Variants in KCNC2 observed in about 807,000 individuals in gnomAD.
KCNC2 encodes voltage-gated potassium channel KCNC2.
Under a neutral mutation model 44.5 loss-of-function variants are expected in KCNC2, and 21 were observed. That is an observed-to-expected ratio of 0.47 (90% CI 0.33 to 0.68). The LOEUF is 0.68. Among genes scored for constraint, KCNC2 ranks in the 30% least tolerant of loss-of-function variants. The pLI is 0.01. For synonymous variants in KCNC2, 391 were observed against 339.1 expected (o/e 1.15, Z -1.68); for missense variants, 589 against 826.2 (o/e 0.71, Z 3.52).
chr12:75,143,786 G>C (rs1391435931), intron 2 of KCNC2, among the ~76,000 whole-genome samples: 1 of 152,034 alleles, frequency 6.6e-6, no homozygotes, highest in East Asian at 1.9e-4. Flanking sequence ...GCTTCTACCT[G>C]CAAAAATAAT....
At chr12:75,093,029 A>G (rs756499801) in intron 2 of KCNC2, among the ~76,000 whole-genome samples, 103 of 145,832 alleles carry the variant, frequency 7.1e-4, no homozygotes, top group Non-Finnish European at 1.2e-3. Context: ...TTTTTTTTTT[A>G]ATCGTTCGAG....
At chr12:75,060,005 C>T (rs765654888) in intron 2 of KCNC2, among the ~76,000 whole-genome samples, 10 of 152,000 alleles carry the variant, frequency 6.6e-5, no homozygotes, top group South Asian at 6.2e-4. Flanking sequence ...ATAGTAATTC[C>T]GAAATACACA....
chr12:75,053,620 C>T (rs373404689), intron 2 of KCNC2, among the ~76,000 whole-genome samples: 3 of 151,692 alleles, frequency 2.0e-5, no homozygotes, highest in South Asian at 4.2e-4. Context: ...TTCTACTTTG[C>T]TATTTTTATA....
At chr12:75,105,469 G>A (rs1886709416) in intron 2 of KCNC2, among the ~76,000 whole-genome samples, 1 of 152,088 alleles carries the variant, frequency 6.6e-6, no homozygotes, top group South Asian at 2.1e-4. Context: ...ATTTTCAGGT[G>A]AAGGATGTGT....
intron 2 of KCNC2, among the ~76,000 whole-genome samples, chr12:75,187,339 A>G (rs1003901705): frequency 5.9e-5 from 9 of 152,232 alleles, no homozygotes; most frequent in Non-Finnish European, 1.2e-4. Flanking sequence ...TGATATTGCC[A>G]TTATTTAAAA....
At chr12:75,091,166 T>C (rs756878278) in intron 2 of KCNC2, among the ~76,000 whole-genome samples, 3 of 151,754 alleles carry the variant, frequency 2.0e-5, no homozygotes, top group Non-Finnish European at 3.0e-5. Flanking sequence ...ATACCAAAGC[T>C]ACTCAGTTAT....
intron 2 of KCNC2, among the ~76,000 whole-genome samples, chr12:75,083,206 T>A (rs1434374105): frequency 2.0e-5 from 3 of 151,688 alleles, no homozygotes; most frequent in Non-Finnish European, 4.4e-5. Context: ...ATTGTACCAA[T>A]AACATTACTA....
chr12:75,140,088 C>T (rs1292723866), intron 2 of KCNC2: 1 of 152,116 alleles, frequency 6.6e-6, no homozygotes, highest in Non-Finnish European at 1.5e-5. Flanking sequence ...CTAATGGTCT[C>T]TCCTGTGGTC....
intron 2 of KCNC2, among the ~76,000 whole-genome samples, chr12:75,120,103 AC>A (rs1887949120): frequency 6.6e-6 from 1 of 152,172 alleles, no homozygotes; most frequent in Non-Finnish European, 1.5e-5. Flanking sequence ...AATGAATAAA[AC>A]AGAAGGCTAA....
At chr12:75,191,539 T>A (rs1187801581) in intron 2 of KCNC2, among the ~76,000 whole-genome samples, 6 of 38,098 alleles carry the variant, frequency 1.6e-4, no homozygotes, top group East Asian at 7.5e-4. Context: ...TTTTTTTTTT[T>A]TTTTTTTTTT....
intron 2 of KCNC2, among the ~76,000 whole-genome samples, chr12:75,199,328 G>T (rs1360128586): frequency 6.6e-6 from 1 of 151,816 alleles, no homozygotes; most frequent in African/African-American, 2.4e-5. Flanking sequence ...GTCTGCATGA[G>T]ATTTTCTGGA....
rs74656736 is a variant in KCNC2, at chr12:75,182,538, C to A, written c.687+24759G>T. On this transcript the variant is annotated intron_variant, in intron 2 of 4. Coordinates refer to ENST00000549446, the MANE Select transcript of KCNC2 (RefSeq NM_139137.4). ...TCCGTCTCAAAAAAAAAAAAAAAAA[C>A]AAAAAAAACAAAAAAAAACAAACAG... Among the ~76,000 whole-genome samples, 976 of 123,240 alleles carry A rather than the reference C, an allele frequency of 7.9e-3. 6 individuals are homozygous for A. The highest frequency in any genetic ancestry group is 0.025 in the African/African-American group (738 of 29,158). 80.9% of individuals were successfully genotyped at this position (123,240 alleles called of 152,430 possible). A position where few individuals can be genotyped will look rare whatever the true frequency, so the allele number is the denominator to read the frequency against.
chr12:75,087,769 G>A (rs149705172), intron 2 of KCNC2, among the ~76,000 whole-genome samples: 18 of 152,176 alleles, frequency 1.2e-4, no homozygotes, highest in Non-Finnish European at 2.6e-4. Context: ...GAGAACATGA[G>A]CACAGGCTGG....
intron 2 of KCNC2, among the ~76,000 whole-genome samples, chr12:75,082,265 A>G (rs1300093858): frequency 6.6e-6 from 1 of 151,898 alleles, no homozygotes; most frequent in African/African-American, 2.4e-5. Flanking sequence ...GGAGTTATCT[A>G]TAAAATTCAT....
At chr12:75,165,653 G>A (rs556080354) in intron 2 of KCNC2, among the ~76,000 whole-genome samples, 2 of 151,312 alleles carry the variant, frequency 1.3e-5, no homozygotes, top group African/African-American at 4.8e-5. Context: ...TAAGTGTTAG[G>A]TCCATCAAAA....
At chr12:75,201,510 A>G (rs1211105416) in intron 2 of KCNC2, among the ~76,000 whole-genome samples, 1 of 151,824 alleles carries the variant, frequency 6.6e-6, no homozygotes, top group African/African-American at 2.4e-5. Context: ...AAAGGAAATC[A>G]AGATTTAGGA....
At chr12:75,081,028 G>C (rs1023495195) in intron 2 of KCNC2, among the ~76,000 whole-genome samples, 5 of 151,900 alleles carry the variant, frequency 3.3e-5, no homozygotes, top group African/African-American at 1.2e-4. Context: ...TGCTAGCCGA[G>C]GATAAAATTT....
intron 2 of KCNC2, among the ~76,000 whole-genome samples, chr12:75,179,739 C>T (rs115282256): frequency 1.1e-5 from 1 of 92,110 alleles, no homozygotes; most frequent in Non-Finnish European, 2.4e-5. Context: ...AGATATAAAA[C>T]TAGTTTTATA....
intron 2 of KCNC2, among the ~76,000 whole-genome samples, chr12:75,052,774 A>T (rs1324443435): frequency 6.6e-6 from 1 of 152,102 alleles, no homozygotes; most frequent in Non-Finnish European, 1.5e-5. Context: ...AGGGTATACA[A>T]AAGGACTAAA....
Sources: gnomAD v4.1 joint callset for allele counts (sites outside exome capture counted in the v4.1 genomes callset) on GRCh38, gnomAD v4.1.1 for gene constraint, MANE v1.5 for transcripts, NCBI Gene and HGNC (gene_info 2026-07-23, HGNC 2026-07-21) for gene names.